VAT1L: variants seen among roughly 807,000 people sequenced by gnomAD.
VAT1L encodes the protein vesicle amine transport 1 like.
A neutral mutation model predicts 44.1 loss-of-function variants in VAT1L; 34 were observed. The observed-to-expected ratio is 0.77, with a 90% CI of 0.59 to 1.03. The LOEUF (loss-of-function observed/expected upper bound fraction) is 1.03. Among genes scored for constraint, VAT1L ranks in the 50% least tolerant of loss-of-function variants. The pLI is 0.00. For missense variants in VAT1L, 615 were observed against 538.8 expected, an observed-to-expected ratio of 1.14 and a Z score of -1.40; for synonymous variants, 253 against 202.2, an observed-to-expected ratio of 1.25 and a Z score of -2.13.
chr16:77,956,451 G>A (rs1204723922), intron 7 of VAT1L, among the ~76,000 whole-genome samples: 1 of 152,150 alleles, frequency 6.6e-6, no homozygotes, highest in African/African-American at 2.4e-5. Flanking sequence ...GCTTTGCTCG[G>A]TGACAGCACC....
At chr16:77,820,981 T>G (rs1022317680) in intron 2 of VAT1L, among the ~76,000 whole-genome samples, 1 of 152,190 alleles carries the variant, frequency 6.6e-6, no homozygotes, top group Admixed American at 6.5e-5. Context: ...CCTTTAGACC[T>G]ACAGATGTTT....
At chr16:77,817,281 C>T (rs2016373345) in intron 2 of VAT1L, among the ~76,000 whole-genome samples, 1 of 152,122 alleles carries the variant, frequency 6.6e-6, no homozygotes, top group Non-Finnish European at 1.5e-5. Flanking sequence ...CAAATCTTGT[C>T]TCCCCCTTCA....
rs1125690 is a variant in VAT1L at position 77,873,693 on chromosome 16, T to G, written c.723-2677T>G. ...TATCTCCAGTGTAGACATTAAAGCA[T>G]AAAGGAAACTAAAATGGAGATCCGT... On this transcript the variant is annotated intron_variant, in intron 4 of 8. Coordinates refer to ENST00000302536, the MANE Select transcript of VAT1L (RefSeq NM_020927.3). Among the ~76,000 whole-genome samples, 657 of 151,818 alleles carry G rather than the reference T, an allele frequency of 4.3e-3. 12 individuals carry two copies. The highest frequency in any genetic ancestry group is 2.0e-3 in the Non-Finnish European group (139 of 67,872).
chr16:77,930,318 A>T (rs1167152543), intron 7 of VAT1L, among the ~76,000 whole-genome samples: 1 of 152,090 alleles, frequency 6.6e-6, no homozygotes, highest in African/African-American at 2.4e-5. Flanking sequence ...ATCATTACTG[A>T]TGTTCTTTGG....
intron 3 of VAT1L, among the ~76,000 whole-genome samples, chr16:77,847,384 G>T (rs764237660): frequency 6.6e-6 from 1 of 152,138 alleles, no homozygotes; most frequent in Non-Finnish European, 1.5e-5. Context: ...CCGTGCTTCT[G>T]ACGTATAAAC....
At chr16:77,888,935 T>A (rs2017235980) in intron 7 of VAT1L, among the ~76,000 whole-genome samples, 1 of 152,164 alleles carries the variant, frequency 6.6e-6, no homozygotes, top group Non-Finnish European at 1.5e-5. Context: ...CAGCCACTCA[T>A]CAAGAACACC....
At chr16:77,795,910 C>CCA (rs2015925286) in intron 1 of VAT1L, among the ~76,000 whole-genome samples, 1 of 148,580 alleles carries the variant, frequency 6.7e-6, no homozygotes, top group African/African-American at 2.5e-5. Flanking sequence ...ACTGCAACCT[C>CCA]CACCTACCAA....
chr16:77,826,293 A>T (rs1415342642), intron 3 of VAT1L, among the ~76,000 whole-genome samples: 1 of 152,088 alleles, frequency 6.6e-6, no homozygotes, highest in Non-Finnish European at 1.5e-5. Flanking sequence ...AAGACGTCTC[A>T]CAAGTCATCT....
At chr16:77,852,067 C>T (rs2016813708) in intron 3 of VAT1L, among the ~76,000 whole-genome samples, 1 of 152,146 alleles carries the variant, frequency 6.6e-6, no homozygotes, top group South Asian at 2.1e-4. Flanking sequence ...GGATCTCCCA[C>T]AGTCTCTTCC....
intron 7 of VAT1L, among the ~76,000 whole-genome samples, chr16:77,961,515 C>T (rs1410487646): frequency 3.3e-5 from 5 of 152,258 alleles, no homozygotes; most frequent in Admixed American, 2.0e-4. Context: ...TTTCCATGGC[C>T]CTCTTCTTAT....
intron 7 of VAT1L, among the ~76,000 whole-genome samples, chr16:77,951,851 AAAC>A (rs2018047596): frequency 6.7e-6 from 1 of 150,132 alleles, no homozygotes; most frequent in Admixed American, 6.6e-5. Flanking sequence ...AAAAAAAAAA[AAAC>A]ACGAAAAAAC....
intron 7 of VAT1L, among the ~76,000 whole-genome samples, chr16:77,919,401 A>C (rs1049521597): frequency 2.0e-5 from 3 of 152,224 alleles, no homozygotes; most frequent in African/African-American, 7.2e-5. Flanking sequence ...TGGAATGTGA[A>C]GTGTTCAGCA....
chr16:77,908,793 A>G (rs2017467912), intron 7 of VAT1L, among the ~76,000 whole-genome samples: 1 of 152,130 alleles, frequency 6.6e-6, no homozygotes, highest in South Asian at 2.1e-4. Context: ...AGGCACCTGC[A>G]GTCCCAGCTA....
chr16:77,946,007 G>C (rs1234120670), intron 7 of VAT1L, among the ~76,000 whole-genome samples: 1 of 151,820 alleles, frequency 6.6e-6, no homozygotes, highest in African/African-American at 2.4e-5. Flanking sequence ...TCACCATGTT[G>C]GTCAGGCTGG....
chr16:77,917,522 A>ATT (rs760953239), intron 7 of VAT1L, among the ~76,000 whole-genome samples: 53 of 152,220 alleles, frequency 3.5e-4, no homozygotes, highest in Non-Finnish European at 6.6e-4. Context: ...ATTGCAATTA[A>ATT]GAAAGCACTT....
intron 3 of VAT1L, among the ~76,000 whole-genome samples, chr16:77,848,719 T>C (rs2016780389): frequency 6.6e-6 from 1 of 152,168 alleles, no homozygotes; most frequent in Non-Finnish European, 1.5e-5. Flanking sequence ...CTCTAGAACA[T>C]GCCACCTCAT....
intron 1 of VAT1L, among the ~76,000 whole-genome samples, chr16:77,808,189 C>T (rs1312328150): frequency 6.6e-6 from 1 of 152,078 alleles, no homozygotes; most frequent in Non-Finnish European, 1.5e-5. Flanking sequence ...AGATCAGCGG[C>T]AGCATTAGGT....
At chr16:77,866,145 A>T (rs181704822) in intron 4 of VAT1L, among the ~76,000 whole-genome samples, 1 of 152,346 alleles carries the variant, frequency 6.6e-6, no homozygotes, top group East Asian at 1.9e-4. Flanking sequence ...CTCAGGAAAT[A>T]AGAAGAGCAA....
chr16:77,978,280 C>T lies in VAT1L; in HGVS notation c.*585C>T, dbSNP rs996060109. The stretch of plus-strand genomic sequence containing the variant: ...CAAAAGTTTGAGCCATTCTCTTCTA[C>T]CCCTTCAGTGTCTGACCCTTTCACT... On this transcript the variant is annotated 3_prime_UTR_variant, in exon 9 of 9. Coordinates refer to ENST00000302536, the MANE Select transcript of VAT1L (RefSeq NM_020927.3). The T allele has an allele frequency of 1.3e-5, 2 of 153,290 alleles. No homozygotes were observed. The highest frequency in any genetic ancestry group is 2.4e-5 in the African/African-American group (1 of 41,460). The allele number at this position is 153,290 out of a possible 1,614,324, so 9.5% of individuals were successfully genotyped here. A position where few individuals can be genotyped will look rare whatever the true frequency, so the allele number is the denominator to read the frequency against.
Sources: allele counts gnomAD v4.1 joint callset (sites outside exome capture counted in the v4.1 genomes callset), GRCh38; gene constraint gnomAD v4.1.1; transcripts MANE v1.5; gene names NCBI Gene and HGNC (gene_info 2026-07-23, HGNC 2026-07-21).